The following ZNF439 variants were observed in gnomAD, a reference collection of about 807,000 sequenced individuals.
The protein encoded by ZNF439 is zinc finger protein 439.
ZNF439 carries 40 observed loss-of-function variants against 47.3 expected under a neutral mutation model. The observed-to-expected ratio is 0.85, with a 90% CI of 0.66 to 1.10. The LOEUF is 1.10. ZNF439 is among the 50% of genes least tolerant of loss of function. The probability of loss-of-function intolerance (pLI) is 0.00; values close to 1 mark genes in which losing one functional copy is unlikely to be tolerated. For missense variants in ZNF439, 556 were observed against 601.1 expected, an observed-to-expected ratio of 0.93 and a Z score of 0.78; for synonymous variants, 171 against 198.8, an observed-to-expected ratio of 0.86 and a Z score of 1.18.
chr19:11,859,660 G>C (rs1421463930), intron 1 of ZNF439, among the ~76,000 whole-genome samples: 1 of 152,160 alleles, frequency 6.6e-6, no homozygotes, highest in Non-Finnish European at 1.5e-5. Context: ...TGGATTATTT[G>C]AATCGGGCCT....
chr19:11,854,977 A>G (rs1239750009), intron 1 of ZNF439, among the ~76,000 whole-genome samples: 1 of 152,128 alleles, frequency 6.6e-6, no homozygotes, highest in African/African-American at 2.4e-5. Context: ...CTATTATTGG[A>G]TAGTATCCCA....
chr19:11,867,758 T>C lies in ZNF439; in HGVS notation c.704T>C (p.Leu235Pro), dbSNP rs1378063843. Residue 235 changes from leucine (L) to proline (P), a missense_variant, in exon 4 of 4, where the codon CTT (leucine) becomes CCT (proline). Physicochemically the swap from Leu to Pro is moderately conservative, Grantham distance 98. Coordinates refer to ENST00000682736, the MANE Select transcript of ZNF439 (RefSeq NM_001348719.2). Reference sequence around the variant, plus strand: ...GCATTCCATTGTCTCAGTTTATATCTTATCCATGAAAGAACTCACACTGGA... The same window carrying C: ...GCATTCCATTGTCTCAGTTTATATCCTATCCATGAAAGAACTCACACTGGA... ...GKAFHCLSLY[L>P]IHERTHTGEK... is the part of the protein sequence containing the mutation. 10 of 1,614,136 alleles carry C rather than the reference T, an allele frequency of 6.2e-6. No homozygotes were observed. Among genetic ancestry groups the C allele is most frequent in the Non-Finnish European group, 8.5e-6 (10 of 1,179,998 alleles).
intron 1 of ZNF439, 21 bp downstream of exon 1, chr19:11,848,951 TG>T (rs1324469093): frequency 6.5e-7 from 1 of 1,543,870 alleles, no homozygotes; most frequent in African/African-American, 1.4e-5. Flanking sequence ...TGGCCGGGAG[TG>T]GTGCGATGGG....
At chr19:11,865,973 C>T in intron 1 of ZNF439, 2 of 1,306,440 alleles carry the variant, frequency 1.5e-6, no homozygotes, top group Non-Finnish European at 2.0e-6. Flanking sequence ...CGAGATTGCA[C>T]CATTGTACTC....
Position 11,868,137 on chromosome 19 carries a change from T to C in ZNF439, c.1083T>C (p.Cys361=), listed in dbSNP as rs1976756439. ...RMHSGERPYE[C]KTCGKGFYSA... ...ACTCTGGAGAAAGACCTTATGAATG[T>C]AAGACATGTGGGAAAGGCTTTTATT... The change falls in exon 4 of 4, where the codon TGT becomes TGC. Residue 361 remains cysteine (C), a synonymous_variant. Transcript: ENST00000682736. 5.0e-6 allele frequency: 8 copies of C among 1,614,166 alleles called. No homozygotes were observed. Among genetic ancestry groups the C allele is most frequent in the Non-Finnish European group, 6.8e-6 (8 of 1,180,028 alleles).
chr19:11,864,438 C>T (rs1286838039), intron 1 of ZNF439, among the ~76,000 whole-genome samples: 2 of 152,204 alleles, frequency 1.3e-5, no homozygotes, highest in East Asian at 1.9e-4. Context: ...ACAGAGAATA[C>T]AGGCACTCGC....
rs1238113485 is a variant in ZNF439, at chr19:11,868,319, A to G, written c.1265A>G (p.Lys422Arg). 1.1e-5 allele frequency: 17 copies of G among 1,603,550 alleles called. No homozygotes were observed. Among genetic ancestry groups the G allele is most frequent in the Non-Finnish European group, 1.4e-5 (16 of 1,171,340 alleles). The change falls in exon 4 of 4, where the codon AAA becomes AGA. Residue 422 changes from lysine (K) to arginine (R), a missense_variant. Coordinates refer to ENST00000682736, the MANE Select transcript of ZNF439 (RefSeq NM_001348719.2). ...CCCTATGAGTGTAAGCAATGTGGGAAAGCCTTCAGATCTGCCCCAAATCTT... is the reference window on the plus strand; with the variant it reads ...CCCTATGAGTGTAAGCAATGTGGGAGAGCCTTCAGATCTGCCCCAAATCTT... ...EKPYECKQCG[K>R]AFRSAPNLQL...
At chr19:11,852,432 A>T (rs1203345062) in intron 1 of ZNF439, among the ~76,000 whole-genome samples, 2 of 152,178 alleles carry the variant, frequency 1.3e-5, no homozygotes, top group South Asian at 4.1e-4. Flanking sequence ...GTGTCATGTG[A>T]CTCAACCCCA....
chr19:11,855,849 G>A lies in ZNF439; in HGVS notation c.63+6919G>A, dbSNP rs552930450. Among the ~76,000 whole-genome samples the A allele has an allele frequency of 3.3e-5, 5 of 152,302 alleles. No homozygotes were observed. The South Asian group carries it at 1.0e-3, about 32-fold the overall frequency. ...CTTGAGTTGTCCCCAGGTTATGGGG[G>A]TTGATGTCGTTGTGACTCCGGTCAG... is the stretch of plus-strand genomic sequence containing the variant. On this transcript the variant is annotated intron_variant, in intron 1 of 3. Transcript: ENST00000682736.
intron 1 of ZNF439, among the ~76,000 whole-genome samples, chr19:11,863,661 C>T (rs913038949): frequency 6.6e-6 from 1 of 152,172 alleles, no homozygotes; most frequent in Admixed American, 6.5e-5. Flanking sequence ...TTTTCTCACT[C>T]ACAGATCATG....
intron 1 of ZNF439, among the ~76,000 whole-genome samples, chr19:11,862,183 T>C (rs1976557681): frequency 6.6e-6 from 1 of 152,166 alleles, no homozygotes; most frequent in Admixed American, 6.5e-5. Context: ...GTGCTGGGAT[T>C]CCACTTGTGA....
chr19:11,849,527 T>A (rs1976173274), intron 1 of ZNF439: 1 of 155,428 alleles, frequency 6.4e-6, no homozygotes, highest in Non-Finnish European at 1.4e-5. Context: ...TTTGGTTTTA[T>A]TCATTTCAGA....
chr19:11,860,333 T>C (rs548328439), intron 1 of ZNF439, among the ~76,000 whole-genome samples: 16 of 152,306 alleles, frequency 1.1e-4, no homozygotes, highest in Admixed American at 7.8e-4. Context: ...CTGCCCCATG[T>C]TACCCTGATT....
At chr19:11,859,324 G>A (rs1976477902) in intron 1 of ZNF439, among the ~76,000 whole-genome samples, 1 of 152,200 alleles carries the variant, frequency 6.6e-6, no homozygotes, top group Non-Finnish European at 1.5e-5. Flanking sequence ...GCGTCTGGGA[G>A]TGCCATTTGA....
At position 11,868,539 on chromosome 19, in the gene ZNF439, TAAG is replaced by T. The variant is rs766433875; in HGVS notation, c.1488_1490del (p.Lys496del). On this transcript the variant is annotated inframe_deletion, in exon 4 of 4. Transcript: ENST00000682736. ...GATTTCATGAAAGGACACAAACACA[TAAG>T]AATGCACTCTGGAGAAAGACCTTAT... is the stretch of plus-strand genomic sequence containing the variant. 1.6e-5 allele frequency: 26 copies of T among 1,610,964 alleles called. No homozygotes were observed. The African/African-American group carries it at 3.4e-4, about 21-fold the overall frequency.
At chr19:11,857,217 T>C (rs904323487) in intron 1 of ZNF439, 1 of 152,172 alleles carries the variant, frequency 6.6e-6, no homozygotes, top group African/African-American at 2.4e-5. Flanking sequence ...CATTATAAAA[T>C]TGTAAAACTT....
rs1976719243 is a variant in ZNF439, at chr19:11,867,470, C to T, written c.416C>T (p.Ser139Phe). Residue 139 changes from serine to phenylalanine, a missense_variant, in exon 4 of 4, where the codon TCT (serine) becomes TTT (phenylalanine). Coordinates refer to ENST00000682736, the MANE Select transcript of ZNF439 (RefSeq NM_001348719.2). The stretch of plus-strand genomic sequence containing the variant: ...TGTGAAGTTGGCCTAGGTAACTCAT[C>T]TTCTAATATGAACATCAGAGGTGAC... ...FVCEVGLGNS[S>F]SNMNIRGDTG... 6.2e-7 allele frequency: 1 copy of T among 1,614,000 alleles called. No individual in the cohort carries two copies.
At chr19:11,850,789 G>A (rs1260410762) in intron 1 of ZNF439, 1 of 152,230 alleles carries the variant, frequency 6.6e-6, no homozygotes, top group Non-Finnish European at 1.5e-5. Flanking sequence ...AAGCACTTTG[G>A]GAGGCCCAGG....
At chr19:11,861,879 A>G (rs1976550252) in intron 1 of ZNF439, among the ~76,000 whole-genome samples, 1 of 152,066 alleles carries the variant, frequency 6.6e-6, no homozygotes, top group Non-Finnish European at 1.5e-5. Flanking sequence ...CCTTTCATCT[A>G]TCCTGGAAAC....
Sources: allele counts gnomAD v4.1 joint callset (sites outside exome capture counted in the v4.1 genomes callset), GRCh38; gene constraint gnomAD v4.1.1; transcripts MANE v1.5; gene names NCBI Gene and HGNC (gene_info 2026-07-23, HGNC 2026-07-21).